The following UTP20 variants were observed in gnomAD, a reference collection of about 807,000 sequenced individuals.
The protein encoded by UTP20 is small subunit processome component 20 homolog.
A neutral mutation model predicts 329.5 loss-of-function variants in UTP20; 164 were observed. The observed-to-expected ratio is 0.50, with a 90% confidence interval of 0.44 to 0.57. The LOEUF (loss-of-function observed/expected upper bound fraction) is 0.57. UTP20 is among the 20% of genes least tolerant of loss of function. The probability of loss-of-function intolerance (pLI) is 0.00; values close to 1 mark genes in which losing one functional copy is unlikely to be tolerated. For missense variants in UTP20, 3,055 were observed against 3,284.2 expected (o/e 0.93, Z 1.71); for synonymous variants, 1,151 against 1,159.3 (o/e 0.99, Z 0.14).
chr12:101,356,210 TCC>T (rs1006218243), intron 41 of UTP20, among the ~76,000 whole-genome samples: 2 of 152,160 alleles, frequency 1.3e-5, no homozygotes, highest in African/African-American at 4.8e-5. Flanking sequence ...CACCACAACC[TCC>T]ACCTCCCAGG....
chr12:101,357,732 C>T (rs1433229272), intron 43 of UTP20, among the ~76,000 whole-genome samples: 1 of 152,164 alleles, frequency 6.6e-6, no homozygotes, highest in Non-Finnish European at 1.5e-5. Context: ...CCAGCCTGGG[C>T]TGCAGAGTGA....
At chr12:101,298,051 G>A (rs1055443008) in intron 12 of UTP20, among the ~76,000 whole-genome samples, 1 of 152,016 alleles carries the variant, frequency 6.6e-6, no homozygotes, top group Non-Finnish European at 1.5e-5. Flanking sequence ...AATATTACTA[G>A]TAACACTCTA....
rs753447179 is a variant in UTP20 at position 101,290,919 on chromosome 12, G to A, written c.891+31G>A. ...TTCTAATCTTTAAGGATGGGTTTTT[G>A]ATAAGGAGTCTAAGAATTTACTGTT... On this transcript the variant is annotated intron_variant, in intron 8 of 61. Coordinates refer to ENST00000261637, the MANE Select transcript of UTP20 (RefSeq NM_014503.3). 3.1e-6 allele frequency: 5 copies of A among 1,593,794 alleles called. No individual in the cohort carries two copies. The Admixed American group carries it at 9.1e-5, about 29-fold the overall frequency.
intron 35 of UTP20, 53 bp downstream of exon 35, chr12:101,343,146 G>T: frequency 7.4e-7 from 1 of 1,357,416 alleles, no homozygotes; most frequent in Admixed American, 2.2e-5. Context: ...TTGGTAATAC[G>T]GCTGCCTAAT....
At chr12:101,359,961 G>A (rs1204676833) in intron 43 of UTP20, among the ~76,000 whole-genome samples, 3 of 152,180 alleles carry the variant, frequency 2.0e-5, no homozygotes, top group Non-Finnish European at 4.4e-5. Context: ...ACAGCATTGC[G>A]AGACATGGTA....
At position 101,291,876 on chromosome 12, in the gene UTP20, T is replaced by C. The variant is rs767355374; in HGVS notation, c.1026T>C (p.Ala342=). 6.2e-7 allele frequency: 1 copy of C among 1,612,642 alleles called. No homozygotes were observed. Among genetic ancestry groups the C allele is most frequent in the Non-Finnish European group, 8.5e-7 (1 of 1,179,596 alleles). The part of the protein sequence containing the change: ...HGSGTKIPTP[A]DVCKVLSQTL... The stretch of plus-strand genomic sequence containing the variant: ...GTGGGACAAAGATACCCACGCCTGC[T>C]GATGTCTGTAAGGTGAGTTCCCAAC... Residue 342 remains alanine, a synonymous_variant, in exon 9 of 62, where the codon GCT becomes GCC. Transcript: ENST00000261637.
At chr12:101,285,966 G>C in intron 4 of UTP20, 85 bp downstream of exon 4, 1 of 1,513,402 alleles carries the variant, frequency 6.6e-7, no homozygotes, top group South Asian at 1.3e-5. Context: ...ATATACCGCA[G>C]ATCAGGTGCT....
In UTP20 at chr12:101,354,996, A is replaced by G. The variant is rs1869670965; in HGVS notation, c.5272A>G (p.Ile1758Val). 11 of 1,614,214 alleles carry G rather than the reference A, an allele frequency of 6.8e-6. No homozygotes were observed. Among genetic ancestry groups the G allele is most frequent in the Non-Finnish European group, 8.5e-6 (10 of 1,180,036 alleles). ...AACATCAGCTAAAGAATCCGAGTGTATCACAAAGCCTGTCTCTTTCCTTCC... is the reference window on the plus strand; with the variant it reads ...AACATCAGCTAAAGAATCCGAGTGTGTCACAAAGCCTGTCTCTTTCCTTCC... ...GGTSAKESEC[I>V]TKPVSFLPQN... The change falls in exon 41 of 62, where the codon ATC becomes GTC. Residue 1758 changes from isoleucine (I) to valine (V), a missense_variant. Coordinates refer to ENST00000261637, the MANE Select transcript of UTP20 (RefSeq NM_014503.3).
chr12:101,284,796 C>T (rs1871907510), intron 2 of UTP20, among the ~76,000 whole-genome samples: 1 of 152,204 alleles, frequency 6.6e-6, no homozygotes, highest in Non-Finnish European at 1.5e-5. Flanking sequence ...GAAGCCAACA[C>T]TGACAGTTCA....
At chr12:101,378,730 G>GAA (rs982144356) in intron 56 of UTP20, among the ~76,000 whole-genome samples, 13 of 151,066 alleles carry the variant, frequency 8.6e-5, no homozygotes, top group African/African-American at 3.2e-4. Context: ...AAAAAAAAAA[G>GAA]AAAAAAAAGA....
chr12:101,300,742 C>T (rs988462219), intron 14 of UTP20, among the ~76,000 whole-genome samples: 1 of 152,156 alleles, frequency 6.6e-6, no homozygotes, highest in Admixed American at 6.6e-5. Flanking sequence ...GTCATTCATT[C>T]ACTTAAATAT....
intron 46 of UTP20, 32 bp downstream of exon 46, chr12:101,365,657 G>T: frequency 2.0e-6 from 3 of 1,520,108 alleles, no homozygotes; most frequent in Non-Finnish European, 2.6e-6. Context: ...CTGTCATTTA[G>T]GTCTCTGCGT....
At chr12:101,355,180 C>T in intron 41 of UTP20, 62 bp downstream of exon 41, 1 of 1,522,988 alleles carries the variant, frequency 6.6e-7, no homozygotes, top group Non-Finnish European at 8.9e-7. Context: ...GGAGCCCTGT[C>T]ACACTGAGGC....
intron 1 of UTP20, 95 bp from the exon 2 acceptor site, chr12:101,281,021 G>A (rs2137223959): frequency 9.9e-7 from 1 of 1,009,890 alleles, no homozygotes; most frequent in Non-Finnish European, 1.4e-6. Flanking sequence ...CTTATCCTTT[G>A]TGATTAGAGA....
intron 21 of UTP20, among the ~76,000 whole-genome samples, chr12:101,316,943 A>C (rs1872989443): frequency 6.6e-6 from 1 of 152,216 alleles, no homozygotes; most frequent in South Asian, 2.1e-4. Flanking sequence ...TTTTCATTAC[A>C]TGGACATTCA....
Position 101,299,663 on chromosome 12 carries a change from A to AT in UTP20, c.1431-11dup, listed in dbSNP as rs769619134. 1.3e-5 allele frequency: 20 copies of AT among 1,550,110 alleles called. No homozygotes were observed. Among genetic ancestry groups the AT allele is most frequent in the East Asian group, 4.5e-5 (2 of 44,330 alleles). ...GATTACATTCTCTGTTATTTTAAAC[A>AT]TTTTTTTTAATCCTTCAGATTCTAT... is the stretch of plus-strand genomic sequence containing the variant. On this transcript the variant is annotated intron_variant, in intron 12 of 61. Transcript: ENST00000261637.
intron 2 of UTP20, among the ~76,000 whole-genome samples, chr12:101,282,132 A>G (rs1871821152): frequency 6.6e-6 from 1 of 152,204 alleles, no homozygotes; most frequent in Non-Finnish European, 1.5e-5. Flanking sequence ...CTTTACTATA[A>G]TCAGACTCCA....
Position 101,338,912 on chromosome 12 carries a change from A to G in UTP20, c.3968A>G (p.Lys1323Arg), listed in dbSNP as rs753994001. Residue 1323 changes from lysine (K) to arginine (R), a missense_variant, in exon 31 of 62, where the codon AAA (lysine) becomes AGA (arginine). Transcript: ENST00000261637. ...TTISAEKVKK[K>R]KNRAQVSKEL... is the part of the protein sequence containing the mutation. ...ATAAGCGCAGAAAAGGTGAAAAAGA[A>G]AAAGAATAGAGCACAAGTCAGTAAA... 2.5e-6 allele frequency: 4 copies of G among 1,611,234 alleles called. No individual in the cohort carries two copies. Among genetic ancestry groups the G allele is most frequent in the African/African-American group, 2.7e-5 (2 of 74,786 alleles).
chr12:101,286,288 C>A, intron 4 of UTP20, 33 bp from the exon 5 acceptor site: 1 of 1,520,296 alleles, frequency 6.6e-7, no homozygotes, highest in Non-Finnish European at 8.8e-7. Context: ...TTAAAAAAAT[C>A]CACATGATCA....
Sources: allele counts gnomAD v4.1 joint callset (sites outside exome capture counted in the v4.1 genomes callset), GRCh38; gene constraint gnomAD v4.1.1; transcripts MANE v1.5; gene names NCBI Gene and HGNC (gene_info 2026-07-23, HGNC 2026-07-21).